Variants in STIM1 observed in about 807,000 individuals in gnomAD.
STIM1 encodes the protein stromal interaction molecule 1.
Under a neutral mutation model 74.7 loss-of-function variants are expected in STIM1, and 25 were observed. The ratio of observed to expected loss-of-function variants is 0.33; its 90% confidence interval spans 0.24 to 0.47. The LOEUF (loss-of-function observed/expected upper bound fraction) is 0.47. Ranked by LOEUF, STIM1 falls within the 20% of genes least tolerant of loss-of-function variation. The pLI, the probability that STIM1 is intolerant of heterozygous loss-of-function variation, is 1.00. For synonymous variants in STIM1, 328 were observed against 348.8 expected, an observed-to-expected ratio of 0.94 and a Z score of 0.66; for missense variants, 728 against 920.8, an observed-to-expected ratio of 0.79 and a Z score of 2.71.
intron 1 of STIM1, chr11:3,892,574 G>C: frequency 6.2e-7 from 1 of 1,601,392 alleles, no homozygotes; most frequent in Non-Finnish European, 8.6e-7. Flanking sequence ...GTTTGTGTTG[G>C]GTCCAGCATT....
intron 10 of STIM1, among the ~76,000 whole-genome samples, chr11:4,084,229 T>C (rs762325666): frequency 2.2e-4 from 33 of 152,364 alleles, no homozygotes; most frequent in Middle Eastern, 3.4e-3. Flanking sequence ...CAGATGCTAT[T>C]TTAAGTAAGT....
intron 1 of STIM1, among the ~76,000 whole-genome samples, chr11:3,891,526 C>A (rs1218439422): frequency 6.6e-6 from 1 of 152,118 alleles, no homozygotes; most frequent in Non-Finnish European, 1.5e-5. Flanking sequence ...TTCAGGCGAT[C>A]TTCTCACCTC....
intron 6 of STIM1, among the ~76,000 whole-genome samples, chr11:4,072,105 A>T (rs1338532977): frequency 2.0e-5 from 3 of 152,176 alleles, no homozygotes; most frequent in Non-Finnish European, 4.4e-5. Context: ...GGCAGGAGAC[A>T]TTCCAAGTTT....
chr11:3,933,037 T>G (rs1180480873), intron 1 of STIM1, among the ~76,000 whole-genome samples: 1 of 152,252 alleles, frequency 6.6e-6, no homozygotes, highest in Non-Finnish European at 1.5e-5. Context: ...GTGTCCTTGG[T>G]GTCTCATATT....
intron 1 of STIM1, among the ~76,000 whole-genome samples, chr11:3,902,487 G>A (rs918784136): frequency 8.5e-5 from 13 of 152,146 alleles, no homozygotes; most frequent in Admixed American, 3.9e-4. Flanking sequence ...AGATCATCAG[G>A]CATTAGATTC....
At chr11:3,964,283 G>A (rs1025156906) in intron 1 of STIM1, among the ~76,000 whole-genome samples, 1 of 152,200 alleles carries the variant, frequency 6.6e-6, no homozygotes, top group Admixed American at 6.5e-5. Context: ...CGTAAGAGAA[G>A]GTAGGAAAGG....
chr11:3,895,753 T>C (rs2092124650), intron 1 of STIM1, among the ~76,000 whole-genome samples: 1 of 58,106 alleles, frequency 1.7e-5, no homozygotes, highest in Non-Finnish European at 2.9e-5. Flanking sequence ...TCTTCCTTCC[T>C]TCCTTCCTTC....
At chr11:3,891,806 A>G (rs2091903533) in intron 1 of STIM1, among the ~76,000 whole-genome samples, 1 of 152,232 alleles carries the variant, frequency 6.6e-6, no homozygotes, top group African/African-American at 2.4e-5. Context: ...AGAGTGTAGC[A>G]TAGAGATGAG....
At chr11:3,922,291 CAT>C (rs1187797089) in intron 1 of STIM1, among the ~76,000 whole-genome samples, 2 of 151,904 alleles carry the variant, frequency 1.3e-5, no homozygotes, top group Non-Finnish European at 2.9e-5. Context: ...CATCTTTTGA[CAT>C]ATGTATGAAT....
At chr11:4,071,831 T>G (rs2094405514) in intron 6 of STIM1, among the ~76,000 whole-genome samples, 1 of 152,152 alleles carries the variant, frequency 6.6e-6, no homozygotes, top group East Asian at 1.9e-4. Context: ...GGGTCATATA[T>G]CAGTAAGTAG....
At chr11:3,972,969 A>G in intron 2 of STIM1, 1 of 512,994 alleles carries the variant, frequency 1.9e-6, no homozygotes, top group East Asian at 5.5e-5. Context: ...TGTAGCTTCC[A>G]CCACCTCCAA....
chr11:3,921,140 T>C (rs2092712406), intron 1 of STIM1, among the ~76,000 whole-genome samples: 2 of 152,124 alleles, frequency 1.3e-5, no homozygotes, highest in South Asian at 4.1e-4. Flanking sequence ...CTCTATCCTA[T>C]CTATATTTAA....
chr11:4,085,125 CT>C (rs1489437852), intron 11 of STIM1, among the ~76,000 whole-genome samples: 2 of 151,578 alleles, frequency 1.3e-5, no homozygotes, highest in African/African-American at 2.4e-5. Context: ...CAGTTTCCCC[CT>C]TCTTTCTCCC....
At chr11:3,858,753 A>C (rs1293019293) in intron 1 of STIM1, among the ~76,000 whole-genome samples, 2 of 152,208 alleles carry the variant, frequency 1.3e-5, no homozygotes, top group African/African-American at 4.8e-5. Context: ...CAACATACCC[A>C]GTCAATTTGT....
At chr11:4,082,474 G>A in intron 8 of STIM1, 123 bp downstream of exon 8, 1 of 1,088,888 alleles carries the variant, frequency 9.2e-7, no homozygotes, top group South Asian at 1.4e-5. Context: ...TCCTGGTGGT[G>A]GGTTCTGTTT....
chr11:4,047,583 C>T (rs7924858), intron 3 of STIM1, among the ~76,000 whole-genome samples: 119,533 of 151,906 alleles, frequency 0.79, 49,952 homozygotes, highest in East Asian at 0.95. Context: ...GCCACTGCAC[C>T]CCAGCCTGGG....
At chr11:3,984,121 C>T (rs1037178774) in intron 2 of STIM1, among the ~76,000 whole-genome samples, 1 of 152,136 alleles carries the variant, frequency 6.6e-6, no homozygotes, top group African/African-American at 2.4e-5. Flanking sequence ...CCGCCTTGGC[C>T]TCCTAAAGTA....
rs79806392 is a variant in STIM1 at position 4,087,047 on chromosome 11, T to C, written c.1634+504T>C. On this transcript the variant is annotated intron_variant, in intron 12 of 12. Coordinates refer to ENST00000526596, the MANE Select transcript of STIM1 (RefSeq NM_001382567.1). ...CAGCCTACTTTCTCCCCTTCTGTGT[T>C]TGGGGTTTGCTGACTCTAAAAATGA... is the stretch of plus-strand genomic sequence containing the variant. Among the ~76,000 whole-genome samples, 590 of 152,294 alleles carry C rather than the reference T, an allele frequency of 3.9e-3. 4 individuals carry two copies. The highest frequency in any genetic ancestry group is 0.013 in the African/African-American group (555 of 41,550).
chr11:3,872,515 C>A (rs976475598), intron 1 of STIM1, among the ~76,000 whole-genome samples: 21 of 139,832 alleles, frequency 1.5e-4, no homozygotes, highest in South Asian at 1.0e-3. Flanking sequence ...CCTCCATTTT[C>A]TTTTTTTCTT....
Sources: allele counts gnomAD v4.1 joint callset (sites outside exome capture counted in the v4.1 genomes callset), GRCh38; gene constraint gnomAD v4.1.1; transcripts MANE v1.5; gene names NCBI Gene and HGNC (gene_info 2026-07-23, HGNC 2026-07-21).